The following ARHGEF11 variants were observed in gnomAD, a reference collection of about 807,000 sequenced individuals.
ARHGEF11 encodes the protein Rho guanine nucleotide exchange factor 11.
A neutral mutation model predicts 193.7 loss-of-function variants in ARHGEF11; 55 were observed. The observed-to-expected ratio is 0.28, with a 90% CI of 0.23 to 0.36. The LOEUF is 0.36. ARHGEF11 is among the 10% of genes least tolerant of loss of function. The pLI is 1.00. For synonymous variants in ARHGEF11, 693 were observed against 768.0 expected, an observed-to-expected ratio of 0.90 and a Z score of 1.62; for missense variants, 1,723 against 2,005.6, an observed-to-expected ratio of 0.86 and a Z score of 2.69.
chr1:157,010,699 T>C (rs953984611), intron 1 of ARHGEF11, among the ~76,000 whole-genome samples: 1 of 152,154 alleles, frequency 6.6e-6, no homozygotes, highest in African/African-American at 2.4e-5. Flanking sequence ...TGAGCCACCA[T>C]ACTTGGACTG....
chr1:156,936,222 C>T, intron 40 of ARHGEF11, 164 bp from the exon 41 acceptor site: 1 of 811,644 alleles, frequency 1.2e-6, no homozygotes, highest in East Asian at 2.4e-5. Context: ...GTCTACTGAA[C>T]TCCACTTTCA....
At chr1:156,953,515 CT>C (rs1387440392) in intron 21 of ARHGEF11, among the ~76,000 whole-genome samples, 1 of 150,104 alleles carries the variant, frequency 6.7e-6, no homozygotes, top group African/African-American at 2.5e-5. Context: ...GTTTTATAAA[CT>C]TTTTTACATT....
At chr1:156,953,117 G>C (rs73008712) in intron 21 of ARHGEF11, among the ~76,000 whole-genome samples, 2,536 of 152,362 alleles carry the variant, frequency 0.017, 50 homozygotes, top group African/African-American at 0.051. Context: ...AGTAACAGGG[G>C]AGAAACAGGT....
At chr1:156,938,385 G>T in intron 38 of ARHGEF11, 33 bp downstream of exon 38, 1 of 1,599,620 alleles carries the variant, frequency 6.3e-7, no homozygotes, top group Non-Finnish European at 8.6e-7. Context: ...TCCAGTCTTG[G>T]CCTGTCTTTA....
At chr1:156,936,195 A>C in intron 40 of ARHGEF11, 137 bp from the exon 41 acceptor site, 1 of 948,380 alleles carries the variant, frequency 1.1e-6, no homozygotes, top group Non-Finnish European at 1.7e-6. Context: ...AGTTTCTCGT[A>C]GGGCTTGAAA....
intron 1 of ARHGEF11, among the ~76,000 whole-genome samples, chr1:156,997,318 G>T (rs1041830076): frequency 1.3e-5 from 2 of 152,192 alleles, no homozygotes; most frequent in African/African-American, 4.8e-5. Flanking sequence ...GAGTATGATG[G>T]AGGGAAAAAG....
chr1:156,968,785 A>G (rs935854457), intron 10 of ARHGEF11, among the ~76,000 whole-genome samples: 5 of 152,240 alleles, frequency 3.3e-5, no homozygotes, highest in African/African-American at 1.2e-4. Flanking sequence ...CCTGGAAGAG[A>G]TAACCTTTGA....
chr1:156,970,307 T>C (rs923422959), intron 8 of ARHGEF11, among the ~76,000 whole-genome samples: 6 of 152,140 alleles, frequency 3.9e-5, no homozygotes, highest in Non-Finnish European at 7.3e-5. Flanking sequence ...AAGCATCTAT[T>C]GCCTTATTTG....
chr1:156,963,667 T>A, intron 11 of ARHGEF11, 73 bp from the exon 12 acceptor site: 2 of 1,579,120 alleles, frequency 1.3e-6, no homozygotes, highest in Non-Finnish European at 1.7e-6. Flanking sequence ...CAGTGAAGTT[T>A]GTTTAGTTGC....
intron 7 of ARHGEF11, among the ~76,000 whole-genome samples, chr1:156,973,841 G>A (rs942949603): frequency 6.6e-6 from 1 of 152,146 alleles, no homozygotes; most frequent in Non-Finnish European, 1.5e-5. Context: ...TACTCCTGCT[G>A]TTCTTGTTAA....
chr1:157,044,536 T>A lies in ARHGEF11; in HGVS notation c.-206A>T. 1 of 428,728 alleles carries A rather than the reference T, an allele frequency of 2.3e-6. No individual in the cohort carries two copies. The highest frequency in any genetic ancestry group is 4.1e-6 in the Non-Finnish European group (1 of 244,754). The allele number at this position is 428,728 out of a possible 1,614,324, so 26.6% of individuals were successfully genotyped here. A position where few individuals can be genotyped will look rare whatever the true frequency, so the allele number is the denominator to read the frequency against. ...CATGATTTCCTTTCTCAGCCCCTCT[T>A]CCCCTCCCCCGCTTTAAAAAAAAAG... On this transcript the variant is annotated 5_prime_UTR_variant, in exon 1 of 41. Coordinates refer to ENST00000368194, the MANE Select transcript of ARHGEF11 (RefSeq NM_198236.3).
rs60592654 is a variant in ARHGEF11 at position 156,996,859 on chromosome 1, ATT to A, written c.33-10688_33-10687del. 8.2e-4 allele frequency among the ~76,000 whole-genome samples: 77 copies of A among 93,850 alleles called. No individual in the cohort carries two copies. The East Asian group carries it at 0.012, about 15-fold the overall frequency. The allele number at this position is 93,850 out of a possible 152,430, so 61.6% of individuals were successfully genotyped here. A position where few individuals can be genotyped will look rare whatever the true frequency, so the allele number is the denominator to read the frequency against. ...GCTGAGCTTAGGAACCTCTCTCTCT[ATT>A]TTTTTTTTTTTTTTTTTTGAGACAA... On this transcript the variant is annotated intron_variant, in intron 1 of 40. Coordinates refer to ENST00000368194, the MANE Select transcript of ARHGEF11 (RefSeq NM_198236.3).
intron 1 of ARHGEF11, among the ~76,000 whole-genome samples, chr1:157,036,206 C>T (rs2316332): frequency 0.91 from 127,413 of 140,308 alleles, 57,491 homozygotes; most frequent in Non-Finnish European, 0.96. Flanking sequence ...AATATATATA[C>T]ATATATATAT....
chr1:156,937,528 G>A (rs1655723110), intron 38 of ARHGEF11, 32 bp from the exon 39 acceptor site: 2 of 1,504,936 alleles, frequency 1.3e-6, no homozygotes, highest in South Asian at 2.7e-5. Context: ...GAGATCAGGA[G>A]GCAAACAGAG....
chr1:156,963,548 T>C lies in ARHGEF11; in HGVS notation c.1010A>G (p.Asp337Gly), dbSNP rs759925894. The C allele has an allele frequency of 1.2e-6, 2 of 1,614,032 alleles. No homozygotes were observed. Among genetic ancestry groups the C allele is most frequent in the Non-Finnish European group, 1.7e-6 (2 of 1,179,984 alleles). The change falls in exon 12 of 41, where the codon GAC (aspartate) becomes GGC (glycine). Residue 337 changes from aspartate (D) to glycine (G), a missense_variant. Asp to Gly is a moderately conservative substitution (Grantham distance 94, BLOSUM62 -1). Coordinates refer to ENST00000368194, the MANE Select transcript of ARHGEF11 (RefSeq NM_198236.3). ...GTTGTTGAAATAACCCGGGTCATAG[T>C]CTTCCTCTGGGCCAATAATTAAAGG... ...PKPLIIGPEE[D>G]YDPGYFNNES...
chr1:156,948,109 G>C lies in ARHGEF11; in HGVS notation c.2153+72C>G. On this transcript the variant is annotated intron_variant, in intron 24 of 40. Coordinates refer to ENST00000368194, the MANE Select transcript of ARHGEF11 (RefSeq NM_198236.3). The surrounding 1 kb of genome is among the most constrained non-coding windows in gnomAD (Gnocchi z 4.2). ...CAGCCACCCAACCAGCCCCTTGCAG[G>C]TGAGAGGAGCAGCTGGGTGTGGATG... The C allele has an allele frequency of 6.5e-7, 1 of 1,538,220 alleles. No homozygotes were observed. The highest frequency in any genetic ancestry group is 8.8e-7 in the Non-Finnish European group (1 of 1,138,426).
rs1416021095 is a variant in ARHGEF11 at position 156,941,968 on chromosome 1, C to A, written c.3348G>T (p.Glu1116Asp). Residue 1116 changes from glutamate to aspartate, a missense_variant, in exon 34 of 41, where the codon GAG (glutamate) becomes GAT (aspartate). Transcript: ENST00000368194. ...GGTGCCTGGTGGCATTCCGCACGGCCTCTTCTAAGAGCTCCATCCATCTGT... is the reference window on the plus strand; with the variant it reads ...GGTGCCTGGTGGCATTCCGCACGGCATCTTCTAAGAGCTCCATCCATCTGT... ...DKNTWMELLE[E>D]AVRNATRHPG... The A allele has an allele frequency of 2.5e-6, 4 of 1,614,116 alleles. No homozygotes were observed. Among genetic ancestry groups the A allele is most frequent in the Non-Finnish European group, 3.4e-6 (4 of 1,180,012 alleles).
At chr1:157,045,902 C>T (rs1387435093), upstream of ARHGEF11, among the ~76,000 whole-genome samples, 4 of 151,120 alleles carry the variant, frequency 2.6e-5, no homozygotes, top group South Asian at 2.1e-4. Context: ...CAGGCTCCTC[C>T]TCCTCGCTGC....
rs369102506 is a variant in ARHGEF11 at position 156,938,474 on chromosome 1, T to A, written c.4136A>T (p.Glu1379Val). 5 of 1,613,700 alleles carry A rather than the reference T, an allele frequency of 3.1e-6. No homozygotes were observed. Among genetic ancestry groups the A allele is most frequent in the Non-Finnish European group, 4.2e-6 (5 of 1,179,888 alleles). Residue 1379 changes from glutamate (E) to valine (V), a missense_variant, in exon 38 of 41, where the codon GAG becomes GTG. By Grantham distance (121) the Glu-to-Val change is moderately radical. Around this residue, in one of 5 missense-constraint regions of ARHGEF11, gnomAD observed 360 missense variants for 344.4 expected, o/e 1.05. Transcript: ENST00000368194. ...AGSKVVPALPESGQSEPGPPE... is the reference protein window; with the variant it reads ...AGSKVVPALPVSGQSEPGPPE... ...TGGCCCAGGCTCTGACTGGCCACTCTCTGGTAGTGCAGGGACAACCTTGCT... is the reference window on the plus strand; with the variant it reads ...TGGCCCAGGCTCTGACTGGCCACTCACTGGTAGTGCAGGGACAACCTTGCT...
Sources: allele counts gnomAD v4.1 joint callset (sites outside exome capture counted in the v4.1 genomes callset), GRCh38; gene constraint gnomAD v4.1.1; regional missense constraint gnomAD v4.1.1; non-coding constraint Gnocchi (gnomAD v3.1); transcripts MANE v1.5; gene names NCBI Gene and HGNC (gene_info 2026-07-23, HGNC 2026-07-21).